The following ITPR2 variants were observed in gnomAD, a reference collection of about 807,000 sequenced individuals.
ITPR2 encodes inositol 1,4,5-trisphosphate receptor type 2.
ITPR2 carries 207 observed loss-of-function variants against 317.1 expected under a neutral mutation model. The observed-to-expected ratio is 0.65, with a 90% CI of 0.58 to 0.73. ITPR2 has a LOEUF of 0.73. ITPR2 is among the 30% of genes least tolerant of loss of function. ITPR2 has a pLI of 0.00. For synonymous variants in ITPR2, 1,156 were observed against 1,149.1 expected (o/e 1.01, Z -0.12); for missense variants, 2,613 against 3,284.0 (o/e 0.80, Z 4.99).
chr12:26,415,518 A>T lies in ITPR2; in HGVS notation c.7111-20T>A, dbSNP rs1940694965. The T allele has an allele frequency of 6.9e-7, 1 of 1,456,254 alleles. No homozygotes were observed. Among genetic ancestry groups the T allele is most frequent in the Admixed American group, 2.4e-5 (1 of 41,112 alleles). 90.2% of individuals were successfully genotyped at this position (1,456,254 alleles called of 1,614,324 possible). The stretch of plus-strand genomic sequence containing the variant: ...AAAAAGCTACAAAGATAAAGAAAAC[A>T]CTAATAAGAAAAGAAGGCATTGGAG... On this transcript the variant is annotated intron_variant, in intron 50 of 56. Coordinates refer to ENST00000381340, the MANE Select transcript of ITPR2 (RefSeq NM_002223.4).
chr12:26,816,608 A>C (rs1308555323), intron 1 of ITPR2, among the ~76,000 whole-genome samples: 1 of 152,260 alleles, frequency 6.6e-6, no homozygotes, highest in Non-Finnish European at 1.5e-5. Flanking sequence ...CAGCCCTTAC[A>C]GAGTTTAAAG....
At position 26,749,561 on chromosome 12, in the gene ITPR2, G is replaced by A. The variant is rs547787485; in HGVS notation, c.164-23796C>T. Among the ~76,000 whole-genome samples, 7 of 152,274 alleles carry A rather than the reference G, an allele frequency of 4.6e-5. No individual in the cohort carries two copies. The East Asian group carries it at 1.3e-3, about 29-fold the overall frequency. ...TGTCAGGGTTGTAAAATTTCAGGGT[G>A]ATGATCACAGGATTATGTTCGCTTT... On this transcript the variant is annotated intron_variant, in intron 2 of 56. Coordinates refer to ENST00000381340, the MANE Select transcript of ITPR2 (RefSeq NM_002223.4).
At chr12:26,499,512 T>C (rs1408015534) in intron 37 of ITPR2, among the ~76,000 whole-genome samples, 1 of 152,204 alleles carries the variant, frequency 6.6e-6, no homozygotes, top group Non-Finnish European at 1.5e-5. Context: ...ATTGTTAATA[T>C]CTACTCTCAG....
rs549307038 is a variant in ITPR2, at chr12:26,771,412, C to T, written c.163+18745G>A. Among the ~76,000 whole-genome samples, 3 of 152,232 alleles carry T rather than the reference C, an allele frequency of 2.0e-5. No homozygotes were observed. The East Asian group carries it at 5.8e-4, about 29-fold the overall frequency. Reference sequence around the variant, plus strand: ...AATGACAGAGCTGCCAAGATGGTCCCGGACCACTCACCTAGGGACTATTAG... The same window carrying T: ...AATGACAGAGCTGCCAAGATGGTCCTGGACCACTCACCTAGGGACTATTAG... On this transcript the variant is annotated intron_variant, in intron 2 of 56. Coordinates refer to ENST00000381340, the MANE Select transcript of ITPR2 (RefSeq NM_002223.4).
intron 55 of ITPR2, among the ~76,000 whole-genome samples, chr12:26,360,209 C>A (rs370673622): frequency 1.3e-5 from 2 of 152,144 alleles, no homozygotes; most frequent in Non-Finnish European, 2.9e-5. Context: ...TTTGTTCCAG[C>A]GTATCTGTAG....
chr12:26,621,048 T>C, intron 26 of ITPR2, 75 bp downstream of exon 26: 3 of 1,295,224 alleles, frequency 2.3e-6, no homozygotes, highest in South Asian at 3.0e-5. Context: ...ACAATTTTGA[T>C]TGTAGAGCAT....
At chr12:26,619,386 C>T (rs760787417) in intron 26 of ITPR2, among the ~76,000 whole-genome samples, 1 of 152,284 alleles carries the variant, frequency 6.6e-6, no homozygotes. Flanking sequence ...CAGTTTTGTT[C>T]GGCCATCTAT....
chr12:26,814,345 A>T (rs1056854850), intron 1 of ITPR2, among the ~76,000 whole-genome samples: 3 of 152,210 alleles, frequency 2.0e-5, no homozygotes, highest in African/African-American at 7.2e-5. Context: ...ACCAAAAAGC[A>T]CCCTAACTAA....
intron 21 of ITPR2, among the ~76,000 whole-genome samples, chr12:26,647,736 A>G (rs534728560): frequency 8.7e-4 from 133 of 152,330 alleles, no homozygotes; most frequent in African/African-American, 2.9e-3. Flanking sequence ...GGGAGCAAGT[A>G]CATTTGTTTG....
chr12:26,350,660 C>T (rs1431939711), intron 55 of ITPR2, among the ~76,000 whole-genome samples: 2 of 151,974 alleles, frequency 1.3e-5, no homozygotes, highest in East Asian at 1.9e-4. Flanking sequence ...GTGGGTCTCA[C>T]CCCCCAGACA....
rs373595249 is a variant in ITPR2 at position 26,605,126 on chromosome 12, A to ATATATATATAT, written c.3463-2421_3463-2420insATATATATATA. 1.6e-3 allele frequency among the ~76,000 whole-genome samples: 215 copies of ATATATATATAT among 136,320 alleles called. 2 individuals are homozygous for ATATATATATAT. The highest frequency in any genetic ancestry group is 5.5e-3 in the African/African-American group (208 of 37,856). 89.4% of individuals were successfully genotyped at this position (136,320 alleles called of 152,430 possible). ...ATAAAAATAAAAAATAAAAAATAAA[A>ATATATATATAT]ATATATATATATATATGAGAAAGTG... On this transcript the variant is annotated intron_variant, in intron 26 of 56. Transcript: ENST00000381340.
chr12:26,624,181 GCAA>G lies in ITPR2; in HGVS notation c.3122+115_3122+117del, dbSNP rs562120958. 137 of 670,760 alleles carry G rather than the reference GCAA, an allele frequency of 2.0e-4. No individual in the cohort carries two copies. The African/African-American group carries it at 2.4e-3, about 12-fold the overall frequency. 41.6% of individuals were successfully genotyped at this position (670,760 alleles called of 1,614,324 possible). On this transcript the variant is annotated intron_variant, in intron 24 of 56. Transcript: ENST00000381340. ...TTCATTTCTGGCAGAAATTATGTTA[GCAA>G]CAATAGAGGGTCTAAAAATAAATAG...
intron 45 of ITPR2, among the ~76,000 whole-genome samples, chr12:26,474,848 G>A (rs1942380223): frequency 6.9e-6 from 1 of 145,450 alleles, no homozygotes; most frequent in Non-Finnish European, 1.5e-5. Flanking sequence ...CTTCCAATCA[G>A]AGGCTGCCAG....
intron 55 of ITPR2, among the ~76,000 whole-genome samples, chr12:26,377,928 T>C (rs1210843703): frequency 6.6e-6 from 1 of 152,108 alleles, no homozygotes; most frequent in Non-Finnish European, 1.5e-5. Flanking sequence ...ATCCTCCTCA[T>C]TTTTAGCTCG....
intron 2 of ITPR2, among the ~76,000 whole-genome samples, chr12:26,772,491 CATATAATACATGTATTAT>C (rs1245838372): frequency 8.0e-5 from 8 of 100,506 alleles, no homozygotes; most frequent in African/African-American, 2.8e-4. Context: ...ATATATAATA[CATATAATACATGTATTAT>C]ATATAATACA....
At chr12:26,343,322 G>A (rs1938197220) in intron 55 of ITPR2, among the ~76,000 whole-genome samples, 1 of 152,098 alleles carries the variant, frequency 6.6e-6, no homozygotes, top group Non-Finnish European at 1.5e-5. Flanking sequence ...AAATTCCGAA[G>A]GTAGAACAAC....
intron 2 of ITPR2, among the ~76,000 whole-genome samples, chr12:26,784,208 A>G (rs972436883): frequency 6.6e-6 from 1 of 151,356 alleles, no homozygotes; most frequent in Admixed American, 6.6e-5. Flanking sequence ...TCTTCAGTAC[A>G]GCTACATTTA....
At chr12:26,728,281 G>A (rs1948967093) in intron 2 of ITPR2, among the ~76,000 whole-genome samples, 1 of 152,106 alleles carries the variant, frequency 6.6e-6, no homozygotes, top group African/African-American at 2.4e-5. Flanking sequence ...CAAACCAGAG[G>A]CTTAATAATC....
At chr12:26,350,909 C>T (rs181655074) in intron 55 of ITPR2, among the ~76,000 whole-genome samples, 28 of 152,322 alleles carry the variant, frequency 1.8e-4, no homozygotes, top group African/African-American at 6.7e-4. Context: ...TACATCTGCT[C>T]ATGGTGGGGT....
Sources: allele counts gnomAD v4.1 joint callset (sites outside exome capture counted in the v4.1 genomes callset), GRCh38; gene constraint gnomAD v4.1.1; transcripts MANE v1.5; gene names NCBI Gene and HGNC (gene_info 2026-07-23, HGNC 2026-07-21).